AGBL4: variants seen among roughly 807,000 people sequenced by gnomAD.
AGBL4 encodes AGBL carboxypeptidase 4.
Under a neutral mutation model 66.4 loss-of-function variants are expected in AGBL4, and 58 were observed. The observed-to-expected ratio is 0.87, with a 90% CI of 0.71 to 1.09. The LOEUF is 1.09. AGBL4 is among the 50% of genes least tolerant of loss of function. The pLI is 0.00. For missense variants in AGBL4, 579 were observed against 631.0 expected, an observed-to-expected ratio of 0.92 and a Z score of 0.88; for synonymous variants, 234 against 222.9, an observed-to-expected ratio of 1.05 and a Z score of -0.44.
intron 11 of AGBL4, among the ~76,000 whole-genome samples, chr1:48,548,998 T>C (rs1330422940): frequency 6.6e-6 from 1 of 152,174 alleles, no homozygotes; most frequent in Non-Finnish European, 1.5e-5. Flanking sequence ...CCTGTCCTCA[T>C]AAAGGTCTTT....
chr1:49,056,260 A>C (rs926647565), intron 4 of AGBL4, among the ~76,000 whole-genome samples: 1 of 152,170 alleles, frequency 6.6e-6, no homozygotes, highest in Non-Finnish European at 1.5e-5. Context: ...AGGGGGAAAA[A>C]AAAAAGCAAT....
chr1:48,984,886 A>G (rs1660060621), intron 5 of AGBL4, among the ~76,000 whole-genome samples: 7 of 152,002 alleles, frequency 4.6e-5, no homozygotes, highest in Admixed American at 3.9e-4. Context: ...ATGTGCCACA[A>G]GATCATATAT....
intron 3 of AGBL4, among the ~76,000 whole-genome samples, chr1:49,260,051 A>G (rs1329550861): frequency 6.6e-6 from 1 of 150,916 alleles, no homozygotes; most frequent in African/African-American, 2.4e-5. Flanking sequence ...CTGCTCCTGA[A>G]TGACTACTGG....
intron 2 of AGBL4, among the ~76,000 whole-genome samples, chr1:49,832,811 G>A (rs1645730093): frequency 6.6e-6 from 1 of 152,150 alleles, no homozygotes; most frequent in African/African-American, 2.4e-5. Context: ...AGAAGTGTCT[G>A]TTCATGTCCT....
intron 8 of AGBL4, among the ~76,000 whole-genome samples, chr1:48,640,260 G>A (rs1645733059): frequency 6.6e-6 from 1 of 152,122 alleles, no homozygotes. Flanking sequence ...TTTTGAGTTG[G>A]AGATACTCTT....
intron 2 of AGBL4, among the ~76,000 whole-genome samples, chr1:49,827,926 T>C (rs1383417020): frequency 6.6e-6 from 1 of 152,206 alleles, no homozygotes; most frequent in East Asian, 1.9e-4. Context: ...CTGTATTCCA[T>C]CATTTCTAAG....
At chr1:49,313,807 T>C (rs953821936) in intron 3 of AGBL4, among the ~76,000 whole-genome samples, 7 of 152,204 alleles carry the variant, frequency 4.6e-5, no homozygotes, top group Non-Finnish European at 8.8e-5. Flanking sequence ...TTTTCTCCCA[T>C]TCTGTAGCTT....
chr1:49,100,357 C>T (rs764995421), intron 4 of AGBL4, among the ~76,000 whole-genome samples: 6 of 152,222 alleles, frequency 3.9e-5, no homozygotes, highest in African/African-American at 9.6e-5. Context: ...GGCTGTGTAC[C>T]TCTCCGTATA....
chr1:49,851,625 G>A, intron 1 of AGBL4, 107 bp from the exon 2 acceptor site: 1 of 1,149,682 alleles, frequency 8.7e-7, no homozygotes, highest in Non-Finnish European at 1.2e-6. Flanking sequence ...GTTAACCCAA[G>A]CAAAAAGAAG....
At chr1:49,728,657 G>T (rs539167451) in intron 2 of AGBL4, among the ~76,000 whole-genome samples, 1 of 152,210 alleles carries the variant, frequency 6.6e-6, no homozygotes, top group African/African-American at 2.4e-5. Context: ...AAGGCATGTG[G>T]GGAGAGAAGA....
At chr1:49,971,659 C>A (rs1393680328) in intron 1 of AGBL4, among the ~76,000 whole-genome samples, 1 of 151,868 alleles carries the variant, frequency 6.6e-6, no homozygotes, top group South Asian at 2.1e-4. Flanking sequence ...GATACAGCCA[C>A]AATGTGTGAT....
intron 1 of AGBL4, among the ~76,000 whole-genome samples, chr1:49,957,954 T>C (rs1412905998): frequency 1.3e-5 from 2 of 152,142 alleles, no homozygotes; most frequent in Non-Finnish European, 2.9e-5. Context: ...CTTCCTAGCA[T>C]CAATGGTCTT....
At chr1:49,376,442 C>T (rs1644473718) in intron 3 of AGBL4, among the ~76,000 whole-genome samples, 1 of 152,002 alleles carries the variant, frequency 6.6e-6, no homozygotes, top group Non-Finnish European at 1.5e-5. Context: ...TTCTGTCCTA[C>T]CTTCACAAGG....
chr1:49,674,018 G>A (rs991822971), intron 3 of AGBL4, among the ~76,000 whole-genome samples: 4 of 151,966 alleles, frequency 2.6e-5, no homozygotes, highest in African/African-American at 9.7e-5. Context: ...AAGAGTTTCA[G>A]AAAAGGTACA....
intron 4 of AGBL4, among the ~76,000 whole-genome samples, chr1:49,214,122 T>C (rs752681546): frequency 1.3e-5 from 2 of 152,098 alleles, no homozygotes; most frequent in Non-Finnish European, 2.9e-5. Flanking sequence ...TAAACAGAGT[T>C]AGAACTGTGT....
rs559343313 is a variant in AGBL4, at chr1:49,761,194, T to G, written c.158-63757A>C. ...TAATTTTCTGTTACTGAATTTTACT[T>G]TAATTAAAAAATGTATGAACAAAAG... is the stretch of plus-strand genomic sequence containing the variant. On this transcript the variant is annotated intron_variant, in intron 2 of 13. Coordinates refer to ENST00000371839, the MANE Select transcript of AGBL4 (RefSeq NM_032785.4). Among the ~76,000 whole-genome samples, 10 of 152,128 alleles carry G rather than the reference T, an allele frequency of 6.6e-5. No homozygotes were observed. The South Asian group carries it at 1.5e-3, about 22-fold the overall frequency.
In AGBL4 at chr1:48,975,505, T is replaced by C. The variant is rs373649800; in HGVS notation, c.594+70079A>G. On this transcript the variant is annotated intron_variant, in intron 5 of 13. Coordinates refer to ENST00000371839, the MANE Select transcript of AGBL4 (RefSeq NM_032785.4). Reference sequence around the variant, plus strand: ...GGTAAGAGAAACCATCTCAACTATCTTGAGAAACACCTGCTAGTTGTGTTG... The same window carrying C: ...GGTAAGAGAAACCATCTCAACTATCCTGAGAAACACCTGCTAGTTGTGTTG... Among the ~76,000 whole-genome samples the C allele has an allele frequency of 1.7e-4, 26 of 152,214 alleles. 1 individual carries two copies. In the East Asian group the frequency reaches 4.4e-3, roughly 26 times the overall value.
intron 2 of AGBL4, among the ~76,000 whole-genome samples, chr1:49,843,296 T>TG (rs1557504001): frequency 5.4e-5 from 8 of 147,878 alleles, no homozygotes; most frequent in East Asian, 2.0e-4. Context: ...CTAGCTAATT[T>TG]TGTGTGTGTG....
At chr1:48,709,747 A>G (rs1181746440) in intron 6 of AGBL4, among the ~76,000 whole-genome samples, 3 of 151,836 alleles carry the variant, frequency 2.0e-5, no homozygotes, top group Admixed American at 2.0e-4. Context: ...GACTACAGGC[A>G]CCCGCCACCA....
Sources: gnomAD v4.1 joint callset for allele counts (sites outside exome capture counted in the v4.1 genomes callset) on GRCh38, gnomAD v4.1.1 for gene constraint, MANE v1.5 for transcripts, NCBI Gene and HGNC (gene_info 2026-07-23, HGNC 2026-07-21) for gene names.